UVRAG: variants seen among roughly 807,000 people sequenced by gnomAD.
UVRAG encodes UV radiation resistance associated.
Under a neutral mutation model 78.0 loss-of-function variants are expected in UVRAG, and 19 were observed. The ratio of observed to expected loss-of-function variants is 0.24; its 90% CI spans 0.17 to 0.36. The LOEUF (loss-of-function observed/expected upper bound fraction) is 0.36. Ranked by LOEUF, UVRAG falls within the 10% of genes least tolerant of loss-of-function variation. The pLI, the probability that UVRAG is intolerant of heterozygous loss-of-function variation, is 1.00. For synonymous variants in UVRAG, 323 were observed against 324.6 expected (o/e 1.00, Z 0.05); for missense variants, 740 against 853.8 (o/e 0.87, Z 1.66).
chr11:75,929,877 G>A (rs571930446), intron 6 of UVRAG, among the ~76,000 whole-genome samples: 4 of 152,264 alleles, frequency 2.6e-5, no homozygotes, highest in African/African-American at 7.2e-5. Flanking sequence ...TGCCTGACAC[G>A]TTAAATACAT....
chr11:75,877,338 A>C (rs1384944901), intron 3 of UVRAG, among the ~76,000 whole-genome samples: 4 of 152,104 alleles, frequency 2.6e-5, no homozygotes, highest in African/African-American at 4.8e-5. Context: ...CATTGTCATC[A>C]TGGCCCGTTC....
chr11:76,075,524 T>G (rs1277555417), intron 13 of UVRAG, among the ~76,000 whole-genome samples: 1 of 150,108 alleles, frequency 6.7e-6, no homozygotes, highest in Non-Finnish European at 1.5e-5. Context: ...GAGGCAGGAG[T>G]GAAGGAGTGG....
intron 8 of UVRAG, among the ~76,000 whole-genome samples, chr11:75,987,296 C>A (rs552192585): frequency 5.3e-5 from 8 of 152,334 alleles, no homozygotes; most frequent in Admixed American, 5.2e-4. Context: ...AGCCATCCTA[C>A]TGAATATAGC....
intron 13 of UVRAG, among the ~76,000 whole-genome samples, 192 bp downstream of exon 13, chr11:76,065,980 G>T (rs1330651141): frequency 6.6e-6 from 1 of 152,122 alleles, no homozygotes; most frequent in African/African-American, 2.4e-5. Context: ...GAGAAGCAAT[G>T]AATACAAATT....
intron 12 of UVRAG, among the ~76,000 whole-genome samples, chr11:76,050,548 G>A (rs1441255583): frequency 6.6e-6 from 1 of 152,176 alleles, no homozygotes; most frequent in East Asian, 1.9e-4. Flanking sequence ...AGTAGAAAGT[G>A]CCAGGTGCAT....
At chr11:76,048,212 G>A (rs997306207) in intron 12 of UVRAG, among the ~76,000 whole-genome samples, 1 of 152,140 alleles carries the variant, frequency 6.6e-6, no homozygotes, top group Non-Finnish European at 1.5e-5. Context: ...AGCAAATGTG[G>A]GCCCTGAAGG....
At chr11:75,925,164 C>A (rs1237882933) in intron 6 of UVRAG, among the ~76,000 whole-genome samples, 1 of 152,214 alleles carries the variant, frequency 6.6e-6, no homozygotes, top group African/African-American at 2.4e-5. Context: ...TGCCTTGTAA[C>A]TTCTACATTC....
intron 11 of UVRAG, among the ~76,000 whole-genome samples, 190 bp from the exon 12 acceptor site, chr11:76,016,625 A>C (rs916619013): frequency 6.6e-6 from 1 of 152,148 alleles, no homozygotes; most frequent in Non-Finnish European, 1.5e-5. Flanking sequence ...TTTAAAATAC[A>C]GTTAGTAGAT....
Position 75,815,242 on chromosome 11 carries a change from AACGGCGGCAGCGGCGGCAGCGGCGGCG to A in UVRAG, c.-165_-139del, listed in dbSNP as rs1459940161. On this transcript the variant is annotated 5_prime_UTR_variant, in exon 1 of 15. Coordinates refer to ENST00000356136, the MANE Select transcript of UVRAG (RefSeq NM_003369.4). ...TGGCTCTTCCTTAGCCAGCGGCGGCAACGGCGGCAGCGGCGGCAGCGGCGGCGGCTACTGTCTGGGCTGAGCAGTAGT... is the reference window on the plus strand; with the variant it reads ...TGGCTCTTCCTTAGCCAGCGGCGGCAGCTACTGTCTGGGCTGAGCAGTAGT... 19 of 452,614 alleles carry A rather than the reference AACGGCGGCAGCGGCGGCAGCGGCGGCG, an allele frequency of 4.2e-5. No individual in the cohort carries two copies. Among genetic ancestry groups the A allele is most frequent in the African/African-American group, 3.5e-4 (17 of 48,970 alleles). The allele number at this position is 452,614 out of a possible 1,614,324, so 28.0% of individuals were successfully genotyped here.
chr11:75,845,915 A>C (rs1946022196), intron 1 of UVRAG, among the ~76,000 whole-genome samples: 1 of 152,230 alleles, frequency 6.6e-6, no homozygotes, highest in Non-Finnish European at 1.5e-5. Context: ...CATGAAAGAA[A>C]AAGAAAACTG....
intron 13 of UVRAG, among the ~76,000 whole-genome samples, chr11:76,097,753 A>G (rs1951810554): frequency 6.6e-6 from 1 of 152,162 alleles, no homozygotes; most frequent in Non-Finnish European, 1.5e-5. Flanking sequence ...TGGAACAAAA[A>G]GAAATAGTGT....
intron 14 of UVRAG, among the ~76,000 whole-genome samples, chr11:76,116,544 T>A (rs953016726): frequency 6.6e-6 from 1 of 152,194 alleles, no homozygotes; most frequent in African/African-American, 2.4e-5. Context: ...CTGCTGAAAG[T>A]GCTCCGTCAG....
At chr11:75,834,684 C>T (rs1288859489) in intron 1 of UVRAG, among the ~76,000 whole-genome samples, 5 of 151,880 alleles carry the variant, frequency 3.3e-5, no homozygotes, top group Admixed American at 6.6e-5. Flanking sequence ...TGTGGTGGCA[C>T]GTGCCTGTAG....
At chr11:76,050,802 G>A (rs1224306146) in intron 12 of UVRAG, among the ~76,000 whole-genome samples, 1 of 152,078 alleles carries the variant, frequency 6.6e-6, no homozygotes, top group Non-Finnish European at 1.5e-5. Context: ...AATTTTCACA[G>A]CAATCCTTAA....
chr11:76,072,611 G>C (rs963382587), intron 13 of UVRAG, among the ~76,000 whole-genome samples: 5 of 152,104 alleles, frequency 3.3e-5, no homozygotes, highest in African/African-American at 1.2e-4. Flanking sequence ...TGATATAAAT[G>C]TATAGTTCTT....
intron 1 of UVRAG, among the ~76,000 whole-genome samples, chr11:75,819,235 G>C (rs1945334236): frequency 6.6e-6 from 1 of 152,174 alleles, no homozygotes; most frequent in Non-Finnish European, 1.5e-5. Flanking sequence ...TCAGCCCCTT[G>C]ACTGTGTCAG....
intron 1 of UVRAG, among the ~76,000 whole-genome samples, chr11:75,841,589 T>G (rs1167400298): frequency 6.6e-6 from 1 of 152,228 alleles, no homozygotes; most frequent in African/African-American, 2.4e-5. Flanking sequence ...TACCACAATG[T>G]AAGAGTGTTA....
At chr11:75,882,598 A>C (rs2134894598) in intron 4 of UVRAG, among the ~76,000 whole-genome samples, 1 of 152,224 alleles carries the variant, frequency 6.6e-6, no homozygotes, top group South Asian at 2.1e-4. Flanking sequence ...TTTATTTTTA[A>C]ATTTTTTACC....
At chr11:75,963,683 G>T (rs535291694) in intron 7 of UVRAG, among the ~76,000 whole-genome samples, 1 of 152,304 alleles carries the variant, frequency 6.6e-6, no homozygotes, top group Admixed American at 6.5e-5. Flanking sequence ...TGTGTTATAA[G>T]AAATTGGGTT....
Sources: gnomAD v4.1 joint callset for allele counts (sites outside exome capture counted in the v4.1 genomes callset) on GRCh38, gnomAD v4.1.1 for gene constraint, MANE v1.5 for transcripts, NCBI Gene and HGNC (gene_info 2026-07-23, HGNC 2026-07-21) for gene names.